Variants in EYA4 observed in about 807,000 individuals in gnomAD.
EYA4 encodes protein phosphatase EYA4.
EYA4 carries 31 observed loss-of-function variants against 87.9 expected under a neutral mutation model. The observed-to-expected ratio is 0.35, with a 90% CI of 0.27 to 0.48. EYA4 has a LOEUF of 0.48. EYA4 is among the 20% of genes least tolerant of loss of function. The probability of loss-of-function intolerance (pLI) is 0.99; values close to 1 mark genes in which losing one functional copy is unlikely to be tolerated. For synonymous variants in EYA4, 263 were observed against 270.6 expected (o/e 0.97, Z 0.28); for missense variants, 678 against 761.4 (o/e 0.89, Z 1.29).
intron 2 of EYA4, chr6:133,363,347 C>T (rs1255374733): frequency 1.3e-5 from 2 of 152,276 alleles, no homozygotes; most frequent in African/African-American, 4.8e-5. Flanking sequence ...ATTGGAGCCT[C>T]TTGCAAAAGG....
intron 1 of EYA4, among the ~76,000 whole-genome samples, chr6:133,253,074 T>C (rs1775051536): frequency 6.6e-6 from 1 of 152,014 alleles, no homozygotes. Context: ...AAATACAGCA[T>C]ACTGTGTTTG....
At chr6:133,245,965 T>C (rs116442299) in intron 1 of EYA4, among the ~76,000 whole-genome samples, 115 of 152,294 alleles carry the variant, frequency 7.6e-4, no homozygotes, top group African/African-American at 2.7e-3. Context: ...TTTTTATTAG[T>C]AAAGAGATAC....
chr6:133,257,218 G>A (rs1775409759), intron 1 of EYA4, among the ~76,000 whole-genome samples: 1 of 152,090 alleles, frequency 6.6e-6, no homozygotes, highest in African/African-American at 2.4e-5. Flanking sequence ...ATGGTTATAA[G>A]AGTAGAGTGC....
At chr6:133,286,285 C>A (rs150111116) in intron 2 of EYA4, among the ~76,000 whole-genome samples, 352 of 152,262 alleles carry the variant, frequency 2.3e-3, no homozygotes, top group Middle Eastern at 6.8e-3. Context: ...TGAAATTTTA[C>A]TTTCTCTTAG....
intron 2 of EYA4, among the ~76,000 whole-genome samples, chr6:133,286,221 A>G (rs1403379078): frequency 6.6e-6 from 1 of 152,190 alleles, no homozygotes; most frequent in Non-Finnish European, 1.5e-5. Flanking sequence ...AGTGCACTGC[A>G]TGGGGGGCAC....
intron 2 of EYA4, among the ~76,000 whole-genome samples, chr6:133,343,490 G>C (rs980311806): frequency 5.3e-5 from 8 of 151,496 alleles, no homozygotes; most frequent in Non-Finnish European, 1.0e-4. Flanking sequence ...TCATTCCTCG[G>C]TGCTTCCCGA....
chr6:133,490,402 A>C (rs772896017), intron 13 of EYA4, among the ~76,000 whole-genome samples: 3 of 151,878 alleles, frequency 2.0e-5, no homozygotes, highest in Admixed American at 6.6e-5. Flanking sequence ...ACAAAAAAAA[A>C]CAAAAAACCG....
At chr6:133,422,163 C>A (rs560780593) in intron 3 of EYA4, among the ~76,000 whole-genome samples, 1 of 152,070 alleles carries the variant, frequency 6.6e-6, no homozygotes, top group African/African-American at 2.4e-5. Flanking sequence ...CACTATAGAT[C>A]GTAAAAATAA....
chr6:133,380,853 G>A (rs1583116921), intron 2 of EYA4, among the ~76,000 whole-genome samples: 2 of 135,018 alleles, frequency 1.5e-5, no homozygotes, highest in African/African-American at 5.6e-5. Context: ...CCTCCTCCTT[G>A]TTCCTCTTCC....
At chr6:133,491,951 C>CAAAAAAAAAAAAAAAAAA (rs34316449) in intron 13 of EYA4, among the ~76,000 whole-genome samples, 9 of 83,720 alleles carry the variant, frequency 1.1e-4, no homozygotes, top group African/African-American at 3.3e-4. Context: ...AACTCCGTCT[C>CAAAAAAAAAAAAAAAAAA]AAAAAAAAAA....
chr6:133,515,007 G>A (rs1479386479), intron 16 of EYA4, among the ~76,000 whole-genome samples: 2 of 152,142 alleles, frequency 1.3e-5, no homozygotes, highest in African/African-American at 4.8e-5. Context: ...TAAGATCCAG[G>A]CAGGGGCATG....
At chr6:133,382,697 ATTAAG>A (rs1457054452) in intron 3 of EYA4, among the ~76,000 whole-genome samples, 2 of 151,590 alleles carry the variant, frequency 1.3e-5, no homozygotes, top group African/African-American at 4.9e-5. Flanking sequence ...ATCCCTTGGC[ATTAAG>A]TTAATGTTCA....
intron 3 of EYA4, among the ~76,000 whole-genome samples, chr6:133,399,126 A>T (rs1001049718): frequency 6.6e-6 from 1 of 152,232 alleles, no homozygotes; most frequent in Admixed American, 6.5e-5. Flanking sequence ...TCAGCATGCA[A>T]AGGGAATCAG....
intron 13 of EYA4, among the ~76,000 whole-genome samples, chr6:133,490,017 CA>C (rs1220107026): frequency 6.6e-6 from 1 of 152,062 alleles, no homozygotes; most frequent in African/African-American, 2.4e-5. Flanking sequence ...AGCAGGGGAA[CA>C]GAGTCAAAGT....
intron 3 of EYA4, among the ~76,000 whole-genome samples, chr6:133,409,461 TTA>T (rs1218400719): frequency 1.3e-5 from 2 of 152,164 alleles, no homozygotes; most frequent in African/African-American, 4.8e-5. Context: ...ATGATCTCAC[TTA>T]TATGTGGAAT....
chr6:133,309,435 T>C (rs895933029), intron 2 of EYA4, among the ~76,000 whole-genome samples: 3 of 152,184 alleles, frequency 2.0e-5, no homozygotes, highest in Admixed American at 1.3e-4. Flanking sequence ...TATGGCTTCT[T>C]ATATATGCTA....
chr6:133,528,924 G>T lies in EYA4; in HGVS notation c.*119G>T. 6.4e-7 allele frequency: 1 copy of T among 1,572,918 alleles called. No homozygotes were observed. The highest frequency in any genetic ancestry group is 8.6e-7 in the Non-Finnish European group (1 of 1,158,526). ...GTCTTAATGGATGAAATCATATTTG[G>T]AATAAAAATTCCAGAATGAAGAATT... On this transcript the variant is annotated 3_prime_UTR_variant, in exon 20 of 20. Coordinates refer to ENST00000355286, the MANE Select transcript of EYA4 (RefSeq NM_004100.5).
At chr6:133,292,330 C>G (rs1778553814) in intron 2 of EYA4, among the ~76,000 whole-genome samples, 1 of 152,130 alleles carries the variant, frequency 6.6e-6, no homozygotes, top group South Asian at 2.1e-4. Flanking sequence ...CCAATTGCGT[C>G]TGGTTTAATA....
chr6:133,266,343 G>A (rs1362163933), intron 1 of EYA4, among the ~76,000 whole-genome samples: 4 of 152,122 alleles, frequency 2.6e-5, no homozygotes, highest in East Asian at 1.9e-4. Flanking sequence ...GCCAAGGATG[G>A]CCAGCAACCC....
Sources: allele counts gnomAD v4.1 joint callset (sites outside exome capture counted in the v4.1 genomes callset), GRCh38; gene constraint gnomAD v4.1.1; transcripts MANE v1.5; gene names NCBI Gene and HGNC (gene_info 2026-07-23, HGNC 2026-07-21).